The following RERE variants were observed in gnomAD, a reference collection of about 807,000 sequenced individuals.
RERE encodes arginine-glutamic acid dipeptide repeats, also known as arginine-glutamic acid dipeptide repeats protein.
RERE carries 40 observed loss-of-function variants against 146.1 expected under a neutral mutation model. The observed-to-expected ratio is 0.27, with a 90% confidence interval of 0.21 to 0.36. The LOEUF (loss-of-function observed/expected upper bound fraction) is 0.36, where lower values mean the gene tolerates loss of function less well. Among genes scored for constraint, RERE ranks in the 10% least tolerant of loss-of-function variants. The pLI, the probability that RERE is intolerant of heterozygous loss-of-function variation, is 1.00. For missense variants in RERE, 1,933 were observed against 2,138.7 expected (o/e 0.90, Z 1.90); for synonymous variants, 1,003 against 866.0 (o/e 1.16, Z -2.78).
At chr1:8,373,866 T>C (rs1199839601) in intron 12 of RERE, among the ~76,000 whole-genome samples, 2 of 152,204 alleles carry the variant, frequency 1.3e-5, no homozygotes, top group African/African-American at 4.8e-5. Flanking sequence ...TACAGATCTT[T>C]TTCCAGGAGG....
At chr1:8,765,272 G>A (rs986904173) in intron 1 of RERE, among the ~76,000 whole-genome samples, 3 of 152,202 alleles carry the variant, frequency 2.0e-5, no homozygotes, top group Admixed American at 6.5e-5. Context: ...TTCAATTAAC[G>A]TGAAATGTCC....
At chr1:8,658,574 G>A (rs369338711) in intron 1 of RERE, among the ~76,000 whole-genome samples, 90 of 152,056 alleles carry the variant, frequency 5.9e-4, no homozygotes, top group African/African-American at 1.8e-3. Context: ...TGGCTAACAC[G>A]GTGAAACCCC....
At chr1:8,587,081 G>C (rs187874489) in intron 4 of RERE, among the ~76,000 whole-genome samples, 5 of 152,154 alleles carry the variant, frequency 3.3e-5, no homozygotes, top group African/African-American at 1.2e-4. Flanking sequence ...CAGCCTCTAG[G>C]TCTGAAAAGC....
intron 1 of RERE, among the ~76,000 whole-genome samples, chr1:8,810,761 C>A (rs1277379426): frequency 6.6e-6 from 1 of 152,050 alleles, no homozygotes; most frequent in Non-Finnish European, 1.5e-5. Flanking sequence ...AAAACAAAAA[C>A]CCTCTATAGT....
At chr1:8,691,104 G>A (rs1022903363) in intron 1 of RERE, among the ~76,000 whole-genome samples, 1 of 152,010 alleles carries the variant, frequency 6.6e-6, no homozygotes, top group Non-Finnish European at 1.5e-5. Flanking sequence ...TACCATGTTG[G>A]CCAGGATGGT....
At chr1:8,686,824 G>A (rs1054872547) in intron 1 of RERE, among the ~76,000 whole-genome samples, 1 of 152,184 alleles carries the variant, frequency 6.6e-6, no homozygotes, top group Non-Finnish European at 1.5e-5. Flanking sequence ...TAAGGACAAA[G>A]TAGAGCCGAG....
At chr1:8,530,364 G>C (rs370810426) in intron 7 of RERE, among the ~76,000 whole-genome samples, 1 of 152,152 alleles carries the variant, frequency 6.6e-6, no homozygotes, top group African/African-American at 2.4e-5. Flanking sequence ...AGTAGATTAT[G>C]TACCTCTATC....
chr1:8,490,783 C>A (rs1644970339), intron 10 of RERE, among the ~76,000 whole-genome samples: 1 of 150,304 alleles, frequency 6.7e-6, no homozygotes, highest in African/African-American at 2.5e-5. Flanking sequence ...ACTTCAATGG[C>A]TATCTGAGGC....
In RERE at chr1:8,356,875, C is replaced by T. The variant is rs778987865; in HGVS notation, c.4340-629G>A. ...GCGCTGGCAGGGATTTCAGGGTTGCCACCTCCAGCCATGCTGCCCTGGGGT... is the reference window on the plus strand; with the variant it reads ...GCGCTGGCAGGGATTTCAGGGTTGCTACCTCCAGCCATGCTGCCCTGGGGT... On this transcript the variant is annotated intron_variant, in intron 20 of 22. Coordinates refer to ENST00000400908, the MANE Select transcript of RERE (RefSeq NM_001042681.2). The surrounding 1 kb of genome is among the most constrained non-coding windows in gnomAD (Gnocchi z 5.2). Among the ~76,000 whole-genome samples, 1 of 152,210 alleles carries T rather than the reference C, an allele frequency of 6.6e-6. No homozygotes were observed.
intron 1 of RERE, among the ~76,000 whole-genome samples, chr1:8,693,690 C>T (rs985489743): frequency 3.3e-5 from 5 of 152,074 alleles, no homozygotes; most frequent in African/African-American, 1.2e-4. Context: ...TGAAACATTT[C>T]AAAACCCATG....
At chr1:8,461,759 T>C (rs1300368686) in intron 11 of RERE, among the ~76,000 whole-genome samples, 3 of 152,112 alleles carry the variant, frequency 2.0e-5, no homozygotes, top group East Asian at 3.9e-4. Flanking sequence ...GGTCAGGTGA[T>C]AGGAGGAGGA....
At chr1:8,595,024 T>C (rs1181476993) in intron 4 of RERE, among the ~76,000 whole-genome samples, 1 of 151,910 alleles carries the variant, frequency 6.6e-6, no homozygotes, top group African/African-American at 2.4e-5. Context: ...CCAGGTGTGG[T>C]GGCATGTGCT....
intron 1 of RERE, among the ~76,000 whole-genome samples, chr1:8,773,001 C>A (rs1201841821): frequency 6.6e-6 from 1 of 151,972 alleles, no homozygotes; most frequent in Admixed American, 6.6e-5. Flanking sequence ...GCGCAAGAAT[C>A]GCTTGAACCC....
Position 8,358,825 on chromosome 1 carries a change from G to C in RERE, c.3710C>G (p.Thr1237Ser), listed in dbSNP as rs1283853623. 6.2e-7 allele frequency: 1 copy of C among 1,611,042 alleles called. No homozygotes were observed. Among genetic ancestry groups the C allele is most frequent in the Non-Finnish European group, 8.5e-7 (1 of 1,178,364 alleles). ...GTAGGGGGGCACAGCAGCAATGGTGGTTGGTGGTGGCTCGAAGGATGGCCG... is the reference window on the plus strand; with the variant it reads ...GTAGGGGGGCACAGCAGCAATGGTGCTTGGTGGTGGCTCGAAGGATGGCCG... ...HMRPSFEPPPTTIAAVPPYIG... is the reference protein window; with the variant it reads ...HMRPSFEPPPSTIAAVPPYIG... The change falls in exon 20 of 23, where the codon ACC becomes AGC. Residue 1237 changes from threonine (T) to serine (S), a missense_variant. Around this residue, in one of 11 missense-constraint regions of RERE, gnomAD observed 1,255 missense variants for 1,153.8 expected, o/e 1.09. Transcript: ENST00000400908.
intron 1 of RERE, among the ~76,000 whole-genome samples, chr1:8,707,442 G>T (rs534345182): frequency 6.6e-6 from 1 of 151,952 alleles, no homozygotes; most frequent in South Asian, 2.1e-4. Context: ...CCACCACTCC[G>T]CTCTGTCACA....
intron 8 of RERE, among the ~76,000 whole-genome samples, chr1:8,504,778 G>A (rs1452192712): frequency 2.0e-5 from 3 of 152,068 alleles, no homozygotes; most frequent in East Asian, 1.9e-4. Flanking sequence ...GCTTGAACCC[G>A]GGAGGCGGAG....
chr1:8,569,380 TTC>T (rs1356589871), intron 4 of RERE, among the ~76,000 whole-genome samples: 23 of 152,292 alleles, frequency 1.5e-4, no homozygotes, highest in African/African-American at 5.3e-4. Context: ...AATTAATGAC[TTC>T]TTACACATGA....
At chr1:8,518,608 T>C (rs902757762) in intron 7 of RERE, among the ~76,000 whole-genome samples, 1 of 152,006 alleles carries the variant, frequency 6.6e-6, no homozygotes, top group Admixed American at 6.5e-5. Flanking sequence ...AAAGGCAATT[T>C]ATCAGAATCA....
At chr1:8,665,041 A>G (rs1351743507) in intron 1 of RERE, among the ~76,000 whole-genome samples, 1 of 152,138 alleles carries the variant, frequency 6.6e-6, no homozygotes, top group Non-Finnish European at 1.5e-5. Context: ...ACTGTCTTTC[A>G]GTCTACACCC....
Sources: gnomAD v4.1 joint callset for allele counts (sites outside exome capture counted in the v4.1 genomes callset) on GRCh38, gnomAD v4.1.1 for gene constraint, gnomAD v4.1.1 regional missense constraint, Gnocchi (gnomAD v3.1) non-coding constraint, MANE v1.5 for transcripts, NCBI Gene and HGNC (gene_info 2026-07-23, HGNC 2026-07-21) for gene names.